The following SPATA17 variants were observed in gnomAD, a reference collection of about 807,000 sequenced individuals.
SPATA17 encodes the protein spermatogenesis associated 17.
A neutral mutation model predicts 62.2 loss-of-function variants in SPATA17; 53 were observed. The ratio of observed to expected loss-of-function variants is 0.85; its 90% CI spans 0.68 to 1.07. The LOEUF (loss-of-function observed/expected upper bound fraction) is 1.07, where lower values mean the gene tolerates loss of function less well. Ranked by LOEUF, SPATA17 falls within the 50% of genes least tolerant of loss-of-function variation. The pLI, the probability that SPATA17 is intolerant of heterozygous loss-of-function variation, is 0.00. For missense variants in SPATA17, 466 were observed against 425.5 expected, an observed-to-expected ratio of 1.10 and a Z score of -0.84; for synonymous variants, 146 against 146.8, an observed-to-expected ratio of 0.99 and a Z score of 0.04.
intron 9 of SPATA17, among the ~76,000 whole-genome samples, chr1:217,807,878 CT>C (rs1170140239): frequency 6.6e-6 from 1 of 152,104 alleles, no homozygotes; most frequent in Non-Finnish European, 1.5e-5. Context: ...AATACAATTT[CT>C]TTTCTTTCCC....
At chr1:217,830,857 A>G (rs2103001759) in intron 9 of SPATA17, among the ~76,000 whole-genome samples, 1 of 152,314 alleles carries the variant, frequency 6.6e-6, no homozygotes, top group East Asian at 1.9e-4. Flanking sequence ...TAAAAGGTTA[A>G]CAAATGTGAA....
chr1:217,824,907 A>G (rs904897044), intron 9 of SPATA17, among the ~76,000 whole-genome samples: 2 of 150,970 alleles, frequency 1.3e-5, no homozygotes, highest in Non-Finnish European at 1.5e-5. Context: ...ATACAATAAT[A>G]CTTTTCTTTC....
intron 5 of SPATA17, among the ~76,000 whole-genome samples, chr1:217,684,880 A>C (rs1217842918): frequency 2.0e-5 from 3 of 152,192 alleles, no homozygotes; most frequent in African/African-American, 7.2e-5. Flanking sequence ...ATATAAAGGG[A>C]TCTGGTCTTT....
intron 9 of SPATA17, among the ~76,000 whole-genome samples, chr1:217,806,952 T>C (rs1674449155): frequency 6.6e-6 from 1 of 152,100 alleles, no homozygotes; most frequent in Non-Finnish European, 1.5e-5. Context: ...AGCATGGTGA[T>C]TATAGTTAAT....
chr1:217,813,810 A>G (rs1049660459), intron 9 of SPATA17, among the ~76,000 whole-genome samples: 3 of 152,044 alleles, frequency 2.0e-5, no homozygotes, highest in African/African-American at 4.8e-5. Flanking sequence ...GCATTTGTAT[A>G]TGCATATATT....
chr1:217,756,844 C>A (rs1485802858), intron 6 of SPATA17, among the ~76,000 whole-genome samples: 1 of 152,162 alleles, frequency 6.6e-6, no homozygotes. Flanking sequence ...GAAATACCAG[C>A]TGAAATTCTG....
At chr1:217,760,561 C>A (rs1465321361) in intron 6 of SPATA17, among the ~76,000 whole-genome samples, 1 of 152,228 alleles carries the variant, frequency 6.6e-6, no homozygotes, top group South Asian at 2.1e-4. Context: ...TATAGCATTT[C>A]CCCCTGAGGC....
chr1:217,669,876 G>A (rs990252069), intron 4 of SPATA17, among the ~76,000 whole-genome samples: 2 of 152,154 alleles, frequency 1.3e-5, no homozygotes, highest in African/African-American at 4.8e-5. Flanking sequence ...TTGACTATGT[G>A]TTTTGCTTTA....
At chr1:217,750,023 A>ACTTCTGGTG (rs2102954928) in intron 6 of SPATA17, among the ~76,000 whole-genome samples, 1 of 114,600 alleles carries the variant, frequency 8.7e-6, no homozygotes, top group East Asian at 2.7e-4. Context: ...GAGGTAGGTG[A>ACTTCTGGTG]CTTCTGGTGA....
intron 5 of SPATA17, among the ~76,000 whole-genome samples, chr1:217,712,208 C>T (rs778249820): frequency 4.7e-5 from 7 of 148,382 alleles, no homozygotes; most frequent in Non-Finnish European, 7.4e-5. Context: ...CTCACTGCAA[C>T]CTCTGCCTCC....
At chr1:217,850,298 T>A in intron 9 of SPATA17, 1 of 457,168 alleles carries the variant, frequency 2.2e-6, no homozygotes, top group Non-Finnish European at 4.0e-6. Flanking sequence ...TTGAACAGGT[T>A]CAACTATTAC....
intron 3 of SPATA17, among the ~76,000 whole-genome samples, chr1:217,651,750 GATTA>G (rs375711868): frequency 6.6e-6 from 1 of 152,138 alleles, no homozygotes; most frequent in Non-Finnish European, 1.5e-5. Context: ...TATATCGCAT[GATTA>G]ATTATTATTG....
chr1:217,790,758 A>G (rs1178882278), intron 8 of SPATA17, among the ~76,000 whole-genome samples: 1 of 152,222 alleles, frequency 6.6e-6, no homozygotes. Context: ...TTTAAATATA[A>G]TTTCTAATTA....
At chr1:217,758,568 C>T (rs1282226504) in intron 6 of SPATA17, among the ~76,000 whole-genome samples, 3 of 152,104 alleles carry the variant, frequency 2.0e-5, no homozygotes, top group South Asian at 2.1e-4. Flanking sequence ...GTTAATCTGC[C>T]TCCAGAACAC....
intron 8 of SPATA17, among the ~76,000 whole-genome samples, chr1:217,799,848 T>C (rs1443130018): frequency 1.3e-5 from 2 of 152,068 alleles, no homozygotes; most frequent in Non-Finnish European, 2.9e-5. Flanking sequence ...GCTCAATAAA[T>C]ATATGTTGAA....
chr1:217,833,285 A>G (rs1406197110), intron 9 of SPATA17, among the ~76,000 whole-genome samples: 1 of 152,174 alleles, frequency 6.6e-6, no homozygotes, highest in Non-Finnish European at 1.5e-5. Flanking sequence ...ATAAACACAC[A>G]CCCACATTCA....
intron 5 of SPATA17, among the ~76,000 whole-genome samples, chr1:217,730,643 A>T (rs1672383510): frequency 6.6e-6 from 1 of 152,198 alleles, no homozygotes; most frequent in African/African-American, 2.4e-5. Flanking sequence ...AATATTACTC[A>T]TTTGAAAGTA....
chr1:217,845,136 TG>T (rs1393159045), intron 9 of SPATA17, among the ~76,000 whole-genome samples: 2 of 152,148 alleles, frequency 1.3e-5, no homozygotes, highest in East Asian at 3.9e-4. Flanking sequence ...TGGTTGAAGC[TG>T]GCAAATATTC....
At chr1:217,663,371 G>T (rs1670612639) in intron 3 of SPATA17, among the ~76,000 whole-genome samples, 1 of 151,818 alleles carries the variant, frequency 6.6e-6, no homozygotes, top group African/African-American at 2.4e-5. Context: ...CTTGAACCTG[G>T]GAGGCAGAGG....
Sources: allele counts gnomAD v4.1 joint callset (sites outside exome capture counted in the v4.1 genomes callset), GRCh38; gene constraint gnomAD v4.1.1; transcripts MANE v1.5; gene names NCBI Gene and HGNC (gene_info 2026-07-23, HGNC 2026-07-21).